The following SNIP1 variants were observed in gnomAD, a reference collection of about 807,000 sequenced individuals.
SNIP1 encodes Smad nuclear interacting protein 1, also known as smad nuclear-interacting protein 1.
A neutral mutation model predicts 37.4 loss-of-function variants in SNIP1; 23 were observed. That is an observed-to-expected ratio of 0.61 (90% CI 0.44 to 0.87). The LOEUF is 0.87. Ranked by LOEUF, SNIP1 falls within the 40% of genes least tolerant of loss-of-function variation. The probability of loss-of-function intolerance (pLI) is 0.00; values close to 1 mark genes in which losing one functional copy is unlikely to be tolerated. For missense variants in SNIP1, 459 were observed against 540.4 expected (o/e 0.85, Z 1.49); for synonymous variants, 174 against 200.0 (o/e 0.87, Z 1.10).
intron 2 of SNIP1, chr1:37,544,789 G>A (rs1047758076): frequency 4.1e-6 from 3 of 739,446 alleles, no homozygotes; most frequent in Non-Finnish European, 7.5e-6. Context: ...CCCCTCGCAG[G>A]TGCGCCAGAA....
Position 37,540,870 on chromosome 1 carries a change from AT to A in SNIP1, c.328-116del. 2 of 958,194 alleles carry A rather than the reference AT, an allele frequency of 2.1e-6. No homozygotes were observed. Among genetic ancestry groups the A allele is most frequent in the Non-Finnish European group, 3.1e-6 (2 of 651,076 alleles). 59.4% of individuals were successfully genotyped at this position (958,194 alleles called of 1,614,324 possible). On this transcript the variant is annotated intron_variant, in intron 2 of 3. Coordinates refer to ENST00000296215, the MANE Select transcript of SNIP1 (RefSeq NM_024700.4). This position sits in a 1 kb window ranked among gnomAD's most constrained non-coding sequence, Gnocchi z 5.6. ...AAAGTCTTGTAATTTGGACTTTGGC[AT>A]TTAGAACAACATTTCCCACAGAAAT... is the stretch of plus-strand genomic sequence containing the variant.
intron 2 of SNIP1, among the ~76,000 whole-genome samples, chr1:37,551,625 G>A: frequency 6.6e-6 from 1 of 152,152 alleles, no homozygotes; most frequent in East Asian, 1.9e-4. Context: ...TGAGGATATA[G>A]CAAAGAGGTA....
chr1:37,545,163 C>A, intron 2 of SNIP1: 1 of 714,526 alleles, frequency 1.4e-6, no homozygotes, highest in Non-Finnish European at 2.6e-6. Context: ...AAACACATTA[C>A]CTGAATGAGC....
chr1:37,546,145 A>ACCCCCCCC (rs34099617), intron 2 of SNIP1, among the ~76,000 whole-genome samples: 37 of 124,954 alleles, frequency 3.0e-4, no homozygotes, highest in African/African-American at 7.6e-4. Context: ...TGGGACTAAG[A>ACCCCCCCC]CCCCCCCCCC....
intron 2 of SNIP1, among the ~76,000 whole-genome samples, chr1:37,545,514 AGG>A (rs1469092404): frequency 2.6e-5 from 4 of 151,286 alleles, no homozygotes; most frequent in Non-Finnish European, 5.9e-5. Context: ...GTTATGGACT[AGG>A]TAAGGTACAA....
chr1:37,550,143 A>G (rs1160683250), intron 2 of SNIP1, among the ~76,000 whole-genome samples: 2 of 152,228 alleles, frequency 1.3e-5, no homozygotes, highest in East Asian at 3.8e-4. Context: ...AAAAAAATTT[A>G]GGAGAAAATT....
rs190980083 is a variant in SNIP1 at position 37,540,543 on chromosome 1, C to A, written c.540G>T (p.Glu180Asp). The A allele has an allele frequency of 3.8e-5, 62 of 1,614,132 alleles. No homozygotes were observed. The highest frequency in any genetic ancestry group is 5.3e-5 in the Non-Finnish European group (62 of 1,180,026). Residue 180 changes from glutamate (E) to aspartate (D), a missense_variant, in exon 3 of 4, where the codon GAG (glutamate) becomes GAT (aspartate). Glu to Asp is a conservative substitution (Grantham distance 45). Transcript: ENST00000296215. The surrounding 1 kb of genome is among the most constrained non-coding windows in gnomAD (Gnocchi z 5.6). ...GCTCCCGTCGCCTGGCATTATAAAA[C>A]TCCCGCTCTTCTTCCTGAGCCTGCA... is the stretch of plus-strand genomic sequence containing the variant. ...QNLQAQEEER[E>D]FYNARRREHR...
At position 37,545,048 on chromosome 1, in the gene SNIP1, G is replaced by A. The variant is rs914743758; in HGVS notation, c.328-4293C>T. The A allele has an allele frequency of 4.0e-6, 3 of 755,558 alleles. No homozygotes were observed. The African/African-American group carries it at 5.1e-5, about 13-fold the overall frequency. 46.8% of individuals were successfully genotyped at this position (755,558 alleles called of 1,614,324 possible). On this transcript the variant is annotated intron_variant, in intron 2 of 3. Coordinates refer to ENST00000296215, the MANE Select transcript of SNIP1 (RefSeq NM_024700.4). ...TGATGACTGGGAGAGCAGGCTGAAT[G>A]CGATGGAGCATGCATTACATTTGGA...
Position 37,554,107 on chromosome 1 carries a change from G to A in SNIP1, c.123C>T (p.Pro41=), listed in dbSNP as rs151226693. 4.3e-6 allele frequency: 7 copies of A among 1,612,212 alleles called. No individual in the cohort carries two copies. In the Admixed American group the frequency reaches 8.3e-5, roughly 19 times the overall value. Residue 41 remains proline, a synonymous_variant, in exon 1 of 4, where the codon CCC becomes CCT. Transcript: ENST00000296215. The stretch of plus-strand genomic sequence containing the variant: ...CGGAGTGGTCCGGACGGCGGTGGGC[G>A]GGAGGTGCGACTTCTGGGCTGAGAC... ...QERLSPEVAP[P]AHRRPDHSGG...
Position 37,554,236 on chromosome 1 carries a change from AT to A in SNIP1, c.-8del. Reference sequence around the variant, plus strand: ...CGCTCTTCACCGCCTTCATTCTGTGATTTTGGCTGGGCGAAAGAAAACAGAT... The same window carrying A: ...CGCTCTTCACCGCCTTCATTCTGTGATTTGGCTGGGCGAAAGAAAACAGAT... On this transcript the variant is annotated 5_prime_UTR_variant, in exon 1 of 4. Transcript: ENST00000296215. The A allele has an allele frequency of 6.3e-7, 1 of 1,588,832 alleles. No individual in the cohort carries two copies. Among genetic ancestry groups the A allele is most frequent in the Admixed American group, 1.7e-5 (1 of 57,692 alleles).
At chr1:37,547,844 G>A (rs1300777249) in intron 2 of SNIP1, among the ~76,000 whole-genome samples, 1 of 151,264 alleles carries the variant, frequency 6.6e-6, no homozygotes, top group Non-Finnish European at 1.5e-5. Flanking sequence ...GATCCCCAGT[G>A]GATAAAAAAG....
chr1:37,553,174 T>C (rs1043055085), intron 1 of SNIP1, among the ~76,000 whole-genome samples: 3 of 152,164 alleles, frequency 2.0e-5, no homozygotes, highest in African/African-American at 7.2e-5. Context: ...TTGACCACTA[T>C]AATCCACCGA....
At chr1:37,550,118 C>G (rs976444168) in intron 2 of SNIP1, among the ~76,000 whole-genome samples, 1 of 151,976 alleles carries the variant, frequency 6.6e-6, no homozygotes, top group African/African-American at 2.4e-5. Flanking sequence ...GAAAGCAGAT[C>G]ATGGACTTTT....
At chr1:37,549,776 T>C (rs958045575) in intron 2 of SNIP1, among the ~76,000 whole-genome samples, 2 of 152,144 alleles carry the variant, frequency 1.3e-5, no homozygotes, top group African/African-American at 4.8e-5. Context: ...AGAAGCTGAA[T>C]AGCTAAAGCA....
intron 2 of SNIP1, chr1:37,548,750 A>G (rs1275779133): frequency 1.3e-5 from 2 of 152,010 alleles, no homozygotes; most frequent in Admixed American, 1.3e-4. Flanking sequence ...AAAAGAAAAA[A>G]AAAAAAAAAA....
At chr1:37,544,026 A>T (rs999372933) in intron 2 of SNIP1, among the ~76,000 whole-genome samples, 10 of 152,078 alleles carry the variant, frequency 6.6e-5, no homozygotes, top group African/African-American at 9.6e-5. Flanking sequence ...CATGCCTGTA[A>T]TCCAGCTACT....
intron 2 of SNIP1, 156 bp downstream of exon 2, chr1:37,552,489 C>A: frequency 6.5e-6 from 4 of 613,428 alleles, no homozygotes; most frequent in Admixed American, 2.9e-5. Context: ...TAAATACAGC[C>A]AGTTTTCAGA....
Position 37,535,812 on chromosome 1 carries a change from CT to C in SNIP1, c.*1935del, listed in dbSNP as rs1186904030. 1,712 of 145,096 alleles carry C rather than the reference CT, an allele frequency of 0.012. 45 individuals carry two copies. Among genetic ancestry groups the C allele is most frequent in the Admixed American group, 0.064 (928 of 14,508 alleles). 9.0% of individuals were successfully genotyped at this position (145,096 alleles called of 1,614,324 possible). ...ATGTAGAACACATTCTTCAACTTAC[CT>C]TTTTTTTTTTTTTCTGAGACAGAGT... is the stretch of plus-strand genomic sequence containing the variant. On this transcript the variant is annotated 3_prime_UTR_variant, in exon 4 of 4. Coordinates refer to ENST00000296215, the MANE Select transcript of SNIP1 (RefSeq NM_024700.4).
chr1:37,545,837 A>C (rs556291972), intron 2 of SNIP1, among the ~76,000 whole-genome samples: 51 of 152,126 alleles, frequency 3.4e-4, no homozygotes, highest in African/African-American at 1.1e-3. Context: ...AAAACTAAAA[A>C]TTTAGGTGAC....
Sources: gnomAD v4.1 joint callset for allele counts (sites outside exome capture counted in the v4.1 genomes callset) on GRCh38, gnomAD v4.1.1 for gene constraint, Gnocchi (gnomAD v3.1) non-coding constraint, MANE v1.5 for transcripts, NCBI Gene and HGNC (gene_info 2026-07-23, HGNC 2026-07-21) for gene names.